ADCY7: variants seen among roughly 807,000 people sequenced by gnomAD.
The protein encoded by ADCY7 is adenylate cyclase 7.
A neutral mutation model predicts 120.6 loss-of-function variants in ADCY7; 72 were observed. That is an observed-to-expected ratio of 0.60 (90% CI 0.49 to 0.73). The LOEUF is 0.73. ADCY7 is among the 30% of genes least tolerant of loss of function. The probability of loss-of-function intolerance (pLI) is 0.00; values close to 1 mark genes in which losing one functional copy is unlikely to be tolerated. For synonymous variants in ADCY7, 661 were observed against 628.0 expected, an observed-to-expected ratio of 1.05 and a Z score of -0.78; for missense variants, 1,227 against 1,486.0, an observed-to-expected ratio of 0.83 and a Z score of 2.87.
At chr16:50,298,344 C>T (rs925514454) in intron 7 of ADCY7, among the ~76,000 whole-genome samples, 2 of 152,106 alleles carry the variant, frequency 1.3e-5, no homozygotes, top group African/African-American at 2.4e-5. Flanking sequence ...CTGGCATGGC[C>T]GGCTCTCTCG....
intron 12 of ADCY7, 62 bp from the exon 13 acceptor site, chr16:50,305,441 C>G: frequency 6.8e-7 from 1 of 1,467,504 alleles, no homozygotes; most frequent in Non-Finnish European, 9.5e-7. Context: ...ACGTCCACAC[C>G]CTCCTCTGGG....
intron 23 of ADCY7, 53 bp downstream of exon 23, chr16:50,314,115 C>T: frequency 1.3e-6 from 2 of 1,551,392 alleles, no homozygotes; most frequent in Non-Finnish European, 1.8e-6. Context: ...TTAAAGGTGA[C>T]CTGTCACCTT....
chr16:50,260,265 G>T (rs1032888571), intron 1 of ADCY7, among the ~76,000 whole-genome samples: 2 of 152,218 alleles, frequency 1.3e-5, no homozygotes, highest in African/African-American at 4.8e-5. Flanking sequence ...CAGCCAGATG[G>T]GTCTGATGGA....
intron 11 of ADCY7, 124 bp from the exon 12 acceptor site, chr16:50,304,801 T>C: frequency 1.5e-6 from 2 of 1,370,578 alleles, no homozygotes; most frequent in South Asian, 1.2e-5. Context: ...TGTCTGTGGC[T>C]TGGACGACCC....
intron 1 of ADCY7, among the ~76,000 whole-genome samples, chr16:50,285,870 G>A (rs1229951663): frequency 1.3e-5 from 2 of 152,198 alleles, no homozygotes; most frequent in African/African-American, 4.8e-5. Context: ...GGAGATATAA[G>A]GGCTGGCAGG....
At chr16:50,276,867 C>G (rs1464571754) in intron 1 of ADCY7, among the ~76,000 whole-genome samples, 1 of 152,142 alleles carries the variant, frequency 6.6e-6, no homozygotes, top group Admixed American at 6.5e-5. Flanking sequence ...TAGCTGACAT[C>G]ACAGGCATGA....
chr16:50,299,076 G>T, intron 8 of ADCY7, 45 bp downstream of exon 8: 1 of 1,562,794 alleles, frequency 6.4e-7, no homozygotes, highest in Non-Finnish European at 8.6e-7. Context: ...CCCTGTGGCG[G>T]ACCCTCCTGG....
At chr16:50,292,134 G>A (rs112874725) in intron 4 of ADCY7, among the ~76,000 whole-genome samples, 4 of 152,328 alleles carry the variant, frequency 2.6e-5, no homozygotes, top group Non-Finnish European at 2.9e-5. Flanking sequence ...CCTCAGGGTC[G>A]TGACCTCAGG....
chr16:50,258,012 T>C (rs542076257), intron 1 of ADCY7, among the ~76,000 whole-genome samples: 2 of 152,154 alleles, frequency 1.3e-5, no homozygotes, highest in South Asian at 4.1e-4. Context: ...CCCAAGGTGC[T>C]GGGATTAGGG....
At position 50,291,801 on chromosome 16, in the gene ADCY7, T is replaced by G. The variant is rs1177575051; in HGVS notation, c.441T>G (p.Ala147=). ...YTLLPFSMRG[A]VAVGAVSTAS... ...TACTGCCCTTCAGCATGCGGGGCGC[T>G]GTCGCCGTTGGGGCCGTCTCCACTG... Residue 147 remains alanine, a synonymous_variant, in exon 4 of 26, where the codon GCT becomes GCG. Transcript: ENST00000673801. 6.2e-7 allele frequency: 1 copy of G among 1,614,134 alleles called. No individual in the cohort carries two copies. Among genetic ancestry groups the G allele is most frequent in the South Asian group, 1.1e-5 (1 of 91,090 alleles).
At chr16:50,261,187 A>T (rs148811969) in intron 1 of ADCY7, among the ~76,000 whole-genome samples, 67 of 152,328 alleles carry the variant, frequency 4.4e-4, no homozygotes, top group Non-Finnish European at 7.8e-4. Flanking sequence ...CCATAGGAAC[A>T]GGGAGCTGTT....
intron 6 of ADCY7, among the ~76,000 whole-genome samples, chr16:50,293,982 C>T (rs542900562): frequency 1.3e-5 from 2 of 152,190 alleles, no homozygotes; most frequent in East Asian, 1.9e-4. Context: ...TGCTGGGTGC[C>T]GTTGAGTGTA....
chr16:50,306,719 T>A (rs2036090882), intron 14 of ADCY7, among the ~76,000 whole-genome samples: 1 of 151,940 alleles, frequency 6.6e-6, no homozygotes, highest in Non-Finnish European at 1.5e-5. Flanking sequence ...ACGGGTGGTG[T>A]AGGGCAGGGG....
At chr16:50,245,953 CTGGGG>C (rs1159831770), upstream of ADCY7, among the ~76,000 whole-genome samples, 1,743 of 6,710 alleles carry the variant, frequency 0.26, 25 homozygotes, top group African/African-American at 0.3. Flanking sequence ...TCTAGGGGAG[CTGGGG>C]TGGGGTGGGG....
rs2151096283 is a variant in ADCY7 at position 50,313,051 on chromosome 16, C to G, written c.2751+15C>G. On this transcript the variant is annotated intron_variant, in intron 22 of 25. Transcript: ENST00000673801. ...ACTTCGACGAGGTACAGCCTCTAGCCCAGCCTTGCGCAGCAGCCCCCACCC... is the reference window on the plus strand; with the variant it reads ...ACTTCGACGAGGTACAGCCTCTAGCGCAGCCTTGCGCAGCAGCCCCCACCC... 6.2e-7 allele frequency: 1 copy of G among 1,613,876 alleles called. No individual in the cohort carries two copies. Among genetic ancestry groups the G allele is most frequent in the Non-Finnish European group, 8.5e-7 (1 of 1,179,836 alleles).
chr16:50,262,543 T>A (rs1219861942), upstream of ADCY7, among the ~76,000 whole-genome samples: 2 of 152,062 alleles, frequency 1.3e-5, no homozygotes, highest in African/African-American at 2.4e-5. Context: ...GCCAGGCTGG[T>A]CTCGAACTCC....
chr16:50,265,682 G>C (rs2033184786), upstream of ADCY7, among the ~76,000 whole-genome samples: 1 of 152,226 alleles, frequency 6.6e-6, no homozygotes, highest in African/African-American at 2.4e-5. Flanking sequence ...AGGGGTGTCT[G>C]ACCCTGGATG....
rs75319196 is a variant in ADCY7 at position 50,312,910 on chromosome 16, T to C, written c.2625T>C (p.Tyr875=). The C allele has an allele frequency of 7.8e-5, 126 of 1,614,196 alleles. No individual in the cohort carries two copies. In the East Asian group the frequency reaches 2.6e-3, roughly 33 times the overall value. ...KLNEDWYHQS[Y]DCVCVMFASV... ...TCCAGGACTGGTACCATCAGTCCTA[T>C]GACTGCGTCTGTGTCATGTTTGCCT... Residue 875 remains tyrosine, a synonymous_variant, in exon 22 of 26, where the codon TAT becomes TAC. Transcript: ENST00000673801.
At chr16:50,286,429 CAAA>C (rs34686094) in intron 1 of ADCY7, among the ~76,000 whole-genome samples, 7 of 112,322 alleles carry the variant, frequency 6.2e-5, no homozygotes, top group Admixed American at 9.3e-5. Context: ...GACCCCATCT[CAAA>C]AAAAAAAAAA....
Sources: allele counts gnomAD v4.1 joint callset (sites outside exome capture counted in the v4.1 genomes callset), GRCh38; gene constraint gnomAD v4.1.1; transcripts MANE v1.5; gene names NCBI Gene and HGNC (gene_info 2026-07-23, HGNC 2026-07-21).